The following NOSTRIN variants were observed in gnomAD, a reference collection of about 807,000 sequenced individuals.
NOSTRIN encodes the protein nitric oxide synthase trafficking.
Under a neutral mutation model 59.0 loss-of-function variants are expected in NOSTRIN, and 63 were observed. The observed-to-expected ratio is 1.07, with a 90% CI of 0.87 to 1.32. The LOEUF (loss-of-function observed/expected upper bound fraction) is 1.32. NOSTRIN is among the 40% of genes most tolerant of loss of function. The pLI, the probability that NOSTRIN is intolerant of heterozygous loss-of-function variation, is 0.00. For missense variants in NOSTRIN, 512 were observed against 473.1 expected, an observed-to-expected ratio of 1.08 and a Z score of -0.76; for synonymous variants, 200 against 165.4, an observed-to-expected ratio of 1.21 and a Z score of -1.61.
In NOSTRIN at chr2:168,834,320, C is replaced by T. The variant is rs762591970; in HGVS notation, c.499C>T (p.Arg167Trp). The change falls in exon 7 of 16, where the codon CGG (arginine) becomes TGG (tryptophan). Residue 167 changes from arginine (R) to tryptophan (W), a missense_variant. Arg to Trp is a moderately radical substitution (Grantham distance 101). Transcript: ENST00000317647. ...GCAATCTATGACTGAGAAGGAGAAG[C>T]GGAAGGTAAGCTGTCATGGCTGGCT... ...SKQSMTEKEK[R>W]KLLNKLTKST... 3.2e-5 allele frequency: 28 copies of T among 872,396 alleles called. No individual in the cohort carries two copies. The highest frequency in any genetic ancestry group is 2.0e-4 in the South Asian group (15 of 76,496). The allele number at this position is 872,396 out of a possible 1,614,324, so 54.0% of individuals were successfully genotyped here.
At chr2:168,860,582 A>G (rs1245056561) in intron 13 of NOSTRIN, among the ~76,000 whole-genome samples, 9 of 152,188 alleles carry the variant, frequency 5.9e-5, no homozygotes, top group Admixed American at 5.9e-4. Context: ...GAGGCAGGAG[A>G]ATCACTTGAA....
upstream of NOSTRIN, chr2:168,801,124 TGATC>T (rs1169058513): frequency 1.3e-5 from 2 of 152,060 alleles, no homozygotes; most frequent in African/African-American, 4.8e-5. Flanking sequence ...TAACCTCCAG[TGATC>T]AAGTTCTTTG....
chr2:168,864,133 A>G (rs1362138847), intron 15 of NOSTRIN, among the ~76,000 whole-genome samples: 1 of 151,752 alleles, frequency 6.6e-6, no homozygotes, highest in Non-Finnish European at 1.5e-5. Context: ...ATGCCTGGCT[A>G]ATTTTTGTAT....
At chr2:168,797,085 T>TTTTTC (rs1685502698), upstream of NOSTRIN, among the ~76,000 whole-genome samples, 5 of 94,140 alleles carry the variant, frequency 5.3e-5, no homozygotes, top group African/African-American at 1.5e-4. Flanking sequence ...TTTTCTTTTT[T>TTTTTC]TTTTTTTTTT....
intron 7 of NOSTRIN, among the ~76,000 whole-genome samples, chr2:168,838,803 T>TG (rs886186277): frequency 1.3e-5 from 2 of 151,448 alleles, no homozygotes; most frequent in Non-Finnish European, 2.9e-5. Flanking sequence ...TTTTTTTTTT[T>TG]TGAGACGGAG....
intron 1 of NOSTRIN, 31 bp from the exon 2 acceptor site, chr2:168,811,536 T>C (rs1203140421): frequency 4.0e-6 from 3 of 752,436 alleles, no homozygotes; most frequent in South Asian, 1.6e-5. Flanking sequence ...TTCCTGTTCA[T>C]TGTTTTTTTG....
chr2:168,787,876 A>G (rs1574243292), exon 2 of NOSTRIN: 1 of 77,662 alleles, frequency 1.3e-5, no homozygotes, highest in South Asian at 9.2e-4. Context: ...CTGAAGCACA[A>G]GAGGGTAAAA....
At position 168,824,716 on chromosome 2, in the gene NOSTRIN, A is replaced by C; in HGVS notation, c.196A>C (p.Ser66Arg). The C allele has an allele frequency of 1.1e-6, 1 of 872,404 alleles. No homozygotes were observed. Among genetic ancestry groups the C allele is most frequent in the Non-Finnish European group, 2.0e-6 (1 of 501,328 alleles). 54.0% of individuals were successfully genotyped at this position (872,404 alleles called of 1,614,324 possible). Residue 66 changes from serine to arginine, a missense_variant and splice_region_variant, in exon 3 of 16, where the codon AGT becomes CGT. By Grantham distance (110) the Ser-to-Arg change is moderately radical. Transcript: ENST00000317647. The part of the protein sequence containing the change: ...LSKALQNTRK[S>R]CVSSAWAWAS... ...CAAAGCATTACAGAACACGAGAAAA[A>C]GGTAAGTATTGTGGCAGAGGTAAGG...
At chr2:168,849,175 T>C (rs889669298) in intron 8 of NOSTRIN, among the ~76,000 whole-genome samples, 3 of 152,094 alleles carry the variant, frequency 2.0e-5, no homozygotes, top group African/African-American at 7.2e-5. Context: ...CCATCTTTCT[T>C]CTTCCCTATG....
chr2:168,797,079 C>CTTTTTTTTTTTTTTTTTTTTTTTTT (rs775176252), upstream of NOSTRIN, among the ~76,000 whole-genome samples: 24 of 75,054 alleles, frequency 3.2e-4, 2 homozygotes, highest in African/African-American at 9.9e-4. Context: ...TTTCTTTTTT[C>CTTTTTTTTTTTTTTTTTTTTTTTTT]TTTTTTTTTT....
intron 7 of NOSTRIN, among the ~76,000 whole-genome samples, chr2:168,836,606 C>A (rs555872640): frequency 6.6e-6 from 1 of 152,262 alleles, no homozygotes; most frequent in South Asian, 2.1e-4. Context: ...AGTCTTGATT[C>A]CCACCAGAAG....
intron 1 of NOSTRIN, among the ~76,000 whole-genome samples, chr2:168,803,427 C>G (rs1685692407): frequency 6.6e-6 from 1 of 152,152 alleles, no homozygotes; most frequent in Non-Finnish European, 1.5e-5. Context: ...TTGGTGACAT[C>G]ATAAGCAGGA....
intron 2 of NOSTRIN, among the ~76,000 whole-genome samples, chr2:168,790,416 GACACCATCCTAATCAGGTGA>G (rs1267336764): frequency 6.6e-6 from 1 of 152,172 alleles, no homozygotes; most frequent in Non-Finnish European, 1.5e-5. Flanking sequence ...CAGCCTGGCA[GACACCATCCTAATCAGGTGA>G]ACACCATCAG....
At chr2:168,789,265 C>T (rs751125938) in intron 2 of NOSTRIN, among the ~76,000 whole-genome samples, 14 of 152,172 alleles carry the variant, frequency 9.2e-5, no homozygotes, top group South Asian at 2.1e-4. Context: ...TTTGTTCTCA[C>T]GCTGCTAATG....
At chr2:168,816,534 C>T (rs374847931) in intron 2 of NOSTRIN, among the ~76,000 whole-genome samples, 4 of 152,282 alleles carry the variant, frequency 2.6e-5, no homozygotes, top group African/African-American at 9.6e-5. Flanking sequence ...TGCATTTGCA[C>T]AGGCTGTATT....
At chr2:168,852,070 G>C (rs560294743) in intron 10 of NOSTRIN, among the ~76,000 whole-genome samples, 1 of 152,298 alleles carries the variant, frequency 6.6e-6, no homozygotes, top group South Asian at 2.1e-4. Context: ...AAGACAGACA[G>C]AGCCAGAGTG....
chr2:168,848,495 T>A (rs919502721), intron 8 of NOSTRIN, among the ~76,000 whole-genome samples: 8 of 152,214 alleles, frequency 5.3e-5, no homozygotes, highest in African/African-American at 9.6e-5. Flanking sequence ...GGCACAGATG[T>A]TCATAGTTAC....
intron 2 of NOSTRIN, among the ~76,000 whole-genome samples, chr2:168,790,678 CAT>C (rs1685324114): frequency 1.3e-5 from 2 of 152,202 alleles, no homozygotes; most frequent in African/African-American, 4.8e-5. Context: ...ACTAAAGAAA[CAT>C]AGTGACTGAA....
chr2:168,816,252 C>T (rs563912435), intron 2 of NOSTRIN, among the ~76,000 whole-genome samples: 1 of 152,326 alleles, frequency 6.6e-6, no homozygotes, highest in Non-Finnish European at 1.5e-5. Context: ...CCAGCTGAGG[C>T]CCTGTGCCTG....
Sources: gnomAD v4.1 joint callset for allele counts (sites outside exome capture counted in the v4.1 genomes callset) on GRCh38, gnomAD v4.1.1 for gene constraint, MANE v1.5 for transcripts, NCBI Gene and HGNC (gene_info 2026-07-23, HGNC 2026-07-21) for gene names.